Variants in SUSD3 observed in about 807,000 individuals in gnomAD.
The protein encoded by SUSD3 is sushi domain-containing protein 3.
SUSD3 carries 18 observed loss-of-function variants against 20.6 expected under a neutral mutation model. The observed-to-expected ratio is 0.87, with a 90% CI of 0.60 to 1.30. SUSD3 has a LOEUF of 1.30. Ranked by LOEUF, SUSD3 falls within the 50% of genes most tolerant of loss-of-function variation. SUSD3 has a pLI of 0.00. For synonymous variants in SUSD3, 137 were observed against 141.5 expected, an observed-to-expected ratio of 0.97 and a Z score of 0.23; for missense variants, 306 against 346.9, an observed-to-expected ratio of 0.88 and a Z score of 0.94.
intron 1 of SUSD3, among the ~76,000 whole-genome samples, chr9:93,064,966 A>G (rs1003446250): frequency 6.6e-6 from 1 of 152,150 alleles, no homozygotes; most frequent in East Asian, 1.9e-4. Flanking sequence ...AGAGAAAGCT[A>G]TGTCCCCGCG....
chr9:93,082,225 T>C (rs1826442058), intron 4 of SUSD3, among the ~76,000 whole-genome samples: 1 of 152,176 alleles, frequency 6.6e-6, no homozygotes, highest in Admixed American at 6.6e-5. Context: ...TTTTCTCTGC[T>C]GAATTACCTC....
At position 93,084,643 on chromosome 9, in the gene SUSD3, C is replaced by T. The variant is rs149456736; in HGVS notation, c.664C>T (p.Gln222Ter). 6.2e-7 allele frequency: 1 copy of T among 1,609,392 alleles called. No homozygotes were observed. Among genetic ancestry groups the T allele is most frequent in the East Asian group, 2.2e-5 (1 of 44,678 alleles). ...CCTCAGTGGCTCCTCCAGCTCACCC[C>T]AAGCCCAGGTGATGGTGCACATGGC... ...LSLSGSSSSP[Q>*]AQVMVHMANP... is the part of the protein sequence containing the mutation. The change falls in exon 5 of 5, where the codon CAA becomes TAA. Residue 222 changes from glutamine to a stop codon, truncating the protein, a stop_gained. Coordinates refer to ENST00000375472, the MANE Select transcript of SUSD3 (RefSeq NM_145006.4). LOFTEE classifies it low-confidence loss of function (END_TRUNC).
intron 1 of SUSD3, among the ~76,000 whole-genome samples, chr9:93,062,868 A>G (rs1217810013): frequency 1.3e-5 from 2 of 152,150 alleles, no homozygotes; most frequent in African/African-American, 4.8e-5. Flanking sequence ...TTTGTAGACC[A>G]TAGCTCCTGG....
chr9:93,076,042 G>A, intron 2 of SUSD3, 70 bp downstream of exon 2: 1 of 1,391,008 alleles, frequency 7.2e-7, no homozygotes, highest in Non-Finnish European at 9.9e-7. Context: ...CATGGGGATG[G>A]TGTGGGTGGG....
intron 4 of SUSD3, 25 bp downstream of exon 4, chr9:93,079,627 C>T: frequency 6.2e-7 from 1 of 1,611,414 alleles, no homozygotes; most frequent in Non-Finnish European, 8.5e-7. Context: ...GGGTAGGGGA[C>T]ATGCTGGGGG....
intron 1 of SUSD3, among the ~76,000 whole-genome samples, chr9:93,063,676 C>T (rs906867113): frequency 5.9e-5 from 9 of 152,170 alleles, no homozygotes; most frequent in African/African-American, 1.9e-4. Flanking sequence ...CAGGTCAGGG[C>T]TGTGAGCCTT....
chr9:93,070,372 C>A (rs1825865741), intron 1 of SUSD3, among the ~76,000 whole-genome samples: 1 of 152,202 alleles, frequency 6.6e-6, no homozygotes, highest in African/African-American at 2.4e-5. Context: ...TTGTTAGTGG[C>A]TGTGCAAATG....
At chr9:93,067,787 A>G (rs1825773146) in intron 1 of SUSD3, among the ~76,000 whole-genome samples, 1 of 152,028 alleles carries the variant, frequency 6.6e-6, no homozygotes. Context: ...TAGTCGAGAC[A>G]GAGTTTCACC....
chr9:93,073,392 G>T (rs544715945), intron 1 of SUSD3, among the ~76,000 whole-genome samples: 1 of 152,108 alleles, frequency 6.6e-6, no homozygotes, highest in South Asian at 2.1e-4. Context: ...GACTTCAGGC[G>T]CCCGCCACCA....
chr9:93,063,495 C>T (rs1248532935), intron 1 of SUSD3, among the ~76,000 whole-genome samples: 2 of 152,184 alleles, frequency 1.3e-5, no homozygotes, highest in South Asian at 2.1e-4. Context: ...GGTTAGCCCT[C>T]CAGGAAGCCT....
chr9:93,064,303 C>T (rs1825623387), intron 1 of SUSD3, among the ~76,000 whole-genome samples: 1 of 152,214 alleles, frequency 6.6e-6, no homozygotes, highest in Non-Finnish European at 1.5e-5. Flanking sequence ...ACCTTGGCCT[C>T]CCAAAGTGCT....
At position 93,078,048 on chromosome 9, in the gene SUSD3, GGGA is replaced by G. The variant is rs891756485; in HGVS notation, c.425+62_425+64del. 1.9e-6 allele frequency: 3 copies of G among 1,611,588 alleles called. No homozygotes were observed. In the African/African-American group the frequency reaches 4.0e-5, roughly 22 times the overall value. On this transcript the variant is annotated intron_variant, in intron 3 of 4. Coordinates refer to ENST00000375472, the MANE Select transcript of SUSD3 (RefSeq NM_145006.4). The stretch of plus-strand genomic sequence containing the variant: ...CCCGGGAGGCGCCTCTTGGCACCAT[GGGA>G]GGAGGAAAGGACAGAGTGTTTCAAG...
At position 93,075,411 on chromosome 9, in the gene SUSD3, CTTTTTTTTTTTT is replaced by C. The variant is rs58393196; in HGVS notation, c.89-361_89-350del. Among the ~76,000 whole-genome samples, 100 of 101,278 alleles carry C rather than the reference CTTTTTTTTTTTT, an allele frequency of 9.9e-4. 1 individual carries two copies. The highest frequency in any genetic ancestry group is 2.9e-3 in the African/African-American group (72 of 24,698). The allele number at this position is 101,278 out of a possible 152,430, so 66.4% of individuals were successfully genotyped here. A position where few individuals can be genotyped will look rare whatever the true frequency, so the allele number is the denominator to read the frequency against. On this transcript the variant is annotated intron_variant, in intron 1 of 4. Transcript: ENST00000375472. Reference sequence around the variant, plus strand: ...AATCTGCTGATCTCTCTCTGTCCCTCTTTTTTTTTTTTTTTTTTTTTTTGTTCTGATTTCTGC... The same window carrying C: ...AATCTGCTGATCTCTCTCTGTCCCTCTTTTTTTTTTTGTTCTGATTTCTGC...
chr9:93,078,199 A>G (rs535700263), intron 3 of SUSD3, among the ~76,000 whole-genome samples: 1 of 152,206 alleles, frequency 6.6e-6, no homozygotes, highest in African/African-American at 2.4e-5. Flanking sequence ...GCTGGGGGAC[A>G]TGTGGGCCCC....
rs753351184 is a variant in SUSD3, at chr9:93,084,556, A to G, written c.577A>G (p.Ser193Gly). ...SFTTDHGEST[S>G]KLASVTRSVD... ...CCACAGAGACCATGGTGAGAGCACC[A>G]GCAAGCTGGCCAGTGTGACCCGCAG... The change falls in exon 5 of 5, where the codon AGC becomes GGC. Residue 193 changes from serine (S) to glycine (G), a missense_variant. Coordinates refer to ENST00000375472, the MANE Select transcript of SUSD3 (RefSeq NM_145006.4). 6.3e-7 allele frequency: 1 copy of G among 1,597,070 alleles called. No individual in the cohort carries two copies.
intron 1 of SUSD3, among the ~76,000 whole-genome samples, chr9:93,072,567 G>A (rs903572539): frequency 1.3e-5 from 2 of 152,196 alleles, no homozygotes; most frequent in African/African-American, 2.4e-5. Flanking sequence ...GCAAGGGGTG[G>A]TGTGACCTCT....
At chr9:93,079,638 A>T in intron 4 of SUSD3, 36 bp downstream of exon 4, 1 of 1,609,378 alleles carries the variant, frequency 6.2e-7, no homozygotes, top group South Asian at 1.1e-5. Flanking sequence ...ATGCTGGGGG[A>T]CAAGGGGTCC....
chr9:93,060,484 G>T (rs1216405656), intron 1 of SUSD3, among the ~76,000 whole-genome samples: 2 of 152,162 alleles, frequency 1.3e-5, no homozygotes, highest in Non-Finnish European at 2.9e-5. Context: ...TCTGTGAAAT[G>T]TGCTGTGAAG....
At chr9:93,076,826 G>C (rs144739546) in intron 2 of SUSD3, among the ~76,000 whole-genome samples, 100 of 152,372 alleles carry the variant, frequency 6.6e-4, no homozygotes, top group African/African-American at 2.3e-3. Context: ...TCCCTGGCAT[G>C]GCTCTGCTGG....
Sources: gnomAD v4.1 joint callset for allele counts (sites outside exome capture counted in the v4.1 genomes callset) on GRCh38, gnomAD v4.1.1 for gene constraint, MANE v1.5 for transcripts, NCBI Gene and HGNC (gene_info 2026-07-23, HGNC 2026-07-21) for gene names.